The following KLF8 variants were observed in gnomAD, a reference collection of about 807,000 sequenced individuals.
KLF8 encodes the protein Krueppel-like factor 8.
A neutral mutation model predicts 18.2 loss-of-function variants in KLF8; 10 were observed. The observed-to-expected ratio is 0.55, with a 90% CI of 0.34 to 0.93. The LOEUF (loss-of-function observed/expected upper bound fraction) is 0.93. KLF8 is among the 40% of genes least tolerant of loss of function. The pLI is 0.02. For missense variants in KLF8, 264 were observed against 277.9 expected, an observed-to-expected ratio of 0.95 and a Z score of 0.36; for synonymous variants, 109 against 97.3, an observed-to-expected ratio of 1.12 and a Z score of -0.71.
chrX:55,938,024 T>C, the KLF8 span, among the ~76,000 whole-genome samples: 1 of 110,261 alleles, frequency 9.1e-6, no homozygotes, highest in African/African-American at 3.3e-5. Context: ...ATACAGAGAA[T>C]GCCACAAAGA....
chrX:55,998,032 A>G, the KLF8 span, among the ~76,000 whole-genome samples: 5 of 111,856 alleles, frequency 4.5e-5, no homozygotes, highest in Non-Finnish European at 9.4e-5. Flanking sequence ...AAACACGTGA[A>G]CAAAGGTCTT....
chrX:56,007,969 T>A, the KLF8 span, among the ~76,000 whole-genome samples: 5 of 110,680 alleles, frequency 4.5e-5, no homozygotes, highest in African/African-American at 1.7e-4. Context: ...AAAATGTGAT[T>A]TTTTTATTAA....
chrX:56,213,293 T>C, the KLF8 span, among the ~76,000 whole-genome samples: 2 of 46,039 alleles, frequency 4.3e-5, no homozygotes, highest in Non-Finnish European at 8.2e-5. Context: ...TCTTTTCTTT[T>C]CTTTTCTTTT....
the KLF8 span, among the ~76,000 whole-genome samples, chrX:56,035,189 C>T: frequency 1.8e-5 from 2 of 112,118 alleles, no homozygotes; most frequent in African/African-American, 6.5e-5. Context: ...CCATTTTTTA[C>T]CTTCCACATA....
the KLF8 span, among the ~76,000 whole-genome samples, chrX:56,103,760 T>C: frequency 1.8e-5 from 2 of 111,288 alleles, no homozygotes; most frequent in African/African-American, 3.3e-5. Flanking sequence ...TGAATAGGAG[T>C]GATGAGAGTG....
chrX:56,172,360 G>A, the KLF8 span, among the ~76,000 whole-genome samples: 3 of 111,013 alleles, frequency 2.7e-5, no homozygotes, highest in East Asian at 5.7e-4. Context: ...TGCACTGTTT[G>A]GTTTTTTGTC....
the KLF8 span, among the ~76,000 whole-genome samples, chrX:56,072,755 G>A: frequency 9.0e-6 from 1 of 111,226 alleles, no homozygotes; most frequent in African/African-American, 3.3e-5. Flanking sequence ...CAATTCAGTA[G>A]CATTGATTAC....
chrX:56,129,271 C>T, the KLF8 span, among the ~76,000 whole-genome samples: 1 of 111,864 alleles, frequency 8.9e-6, no homozygotes, highest in Non-Finnish European at 1.9e-5. Flanking sequence ...ACCAGAAAAG[C>T]TGAGAGAATC....
chrX:55,982,303 A>G, the KLF8 span, among the ~76,000 whole-genome samples: 1 of 111,543 alleles, frequency 9.0e-6, no homozygotes, highest in Non-Finnish European at 1.9e-5. Flanking sequence ...TCTACAACCA[A>G]CGTCATCTCA....
chrX:56,117,224 A>G, the KLF8 span, among the ~76,000 whole-genome samples: 1 of 112,196 alleles, frequency 8.9e-6, no homozygotes, highest in African/African-American at 3.2e-5. Flanking sequence ...ACAAGTAACT[A>G]TCCTCCCATT....
chrX:55,913,756 T>A, the KLF8 span, among the ~76,000 whole-genome samples: 1 of 112,131 alleles, frequency 8.9e-6, no homozygotes. Flanking sequence ...GGAAAGGTTA[T>A]TCCAGGCAGG....
the KLF8 span, among the ~76,000 whole-genome samples, chrX:56,132,389 T>C: frequency 9.0e-6 from 1 of 111,573 alleles, no homozygotes; most frequent in East Asian, 2.8e-4. Context: ...GAAAGATCAT[T>C]GGATCAACAA....
At chrX:55,938,418 A>T in the KLF8 span, among the ~76,000 whole-genome samples, 1 of 111,905 alleles carries the variant, frequency 8.9e-6, no homozygotes, top group Non-Finnish European at 1.9e-5. Flanking sequence ...CACTGCAAAA[A>T]CATGCCAAAT....
At chrX:55,912,008 G>A in the KLF8 span, among the ~76,000 whole-genome samples, 1 of 111,766 alleles carries the variant, frequency 8.9e-6, no homozygotes, top group Non-Finnish European at 1.9e-5. Flanking sequence ...TTGGAAGATG[G>A]ATTTTTAAAA....
chrX:56,213,351 C>A, the KLF8 span, among the ~76,000 whole-genome samples: 2 of 22,459 alleles, frequency 8.9e-5, no homozygotes, highest in South Asian at 3.2e-3. Context: ...GAGACAGTTT[C>A]ACTCTTGTTG....
At chrX:56,231,675 G>A (rs959164433), upstream of KLF8, among the ~76,000 whole-genome samples, 5 of 111,500 alleles carry the variant, frequency 4.5e-5, no homozygotes, top group Admixed American at 2.9e-4. Context: ...AGACTTTCAG[G>A]CAAGCGTAAA....
chrX:56,272,271 C>T (rs2067067146), intron 5 of KLF8, among the ~76,000 whole-genome samples: 1 of 110,483 alleles, frequency 9.1e-6, no homozygotes, highest in Non-Finnish European at 1.9e-5. Flanking sequence ...TTTAGCCTGG[C>T]GTGATCTCGG....
chrX:56,290,192 C>G lies in KLF8; in HGVS notation c.*5698C>G, dbSNP rs1471626435. Among the ~76,000 whole-genome samples the G allele has an allele frequency of 1.8e-5, 2 of 111,795 alleles. No individual in the cohort carries two copies. Among genetic ancestry groups the G allele is most frequent in the African/African-American group, 6.5e-5 (2 of 30,737 alleles). On this transcript the variant is annotated 3_prime_UTR_variant, in exon 6 of 6. Transcript: ENST00000468660. ...GTTGACCTTAGGCAAGTCATATCACCTCTCTGTGCCTCAATTAATCCATTT... is the reference window on the plus strand; with the variant it reads ...GTTGACCTTAGGCAAGTCATATCACGTCTCTGTGCCTCAATTAATCCATTT...
the KLF8 span, among the ~76,000 whole-genome samples, chrX:56,023,661 C>T: frequency 9.2e-6 from 1 of 109,196 alleles, no homozygotes; most frequent in Non-Finnish European, 1.9e-5. Context: ...TTTTTTTTAA[C>T]ACAAACACTC....
Sources: gnomAD v4.1 joint callset for allele counts (sites outside exome capture counted in the v4.1 genomes callset) on GRCh38, gnomAD v4.1.1 for gene constraint, MANE v1.5 for transcripts, NCBI Gene and HGNC (gene_info 2026-07-23, HGNC 2026-07-21) for gene names.